NR5A1: variants seen among roughly 807,000 people sequenced by gnomAD.
NR5A1 encodes the protein nuclear receptor subfamily 5 group A member 1, also known as steroidogenic factor 1.
A neutral mutation model predicts 42.7 loss-of-function variants in NR5A1; 6 were observed. That is an observed-to-expected ratio of 0.14 (90% CI 0.08 to 0.28). The LOEUF (loss-of-function observed/expected upper bound fraction) is 0.28, where lower values mean the gene tolerates loss of function less well. Ranked by LOEUF, NR5A1 falls within the 10% of genes least tolerant of loss-of-function variation. The pLI is 1.00. For synonymous variants in NR5A1, 274 were observed against 277.5 expected (o/e 0.99, Z 0.12); for missense variants, 442 against 626.4 (o/e 0.71, Z 3.14).
chr9:124,488,453 C>T (rs1387120809), intron 6 of NR5A1, among the ~76,000 whole-genome samples: 1 of 152,250 alleles, frequency 6.6e-6, no homozygotes, highest in Non-Finnish European at 1.5e-5. Context: ...CCACCCACAT[C>T]AGCCAGACCC....
intron 1 of NR5A1, among the ~76,000 whole-genome samples, chr9:124,504,066 A>C (rs1440724570): frequency 6.7e-6 from 1 of 149,604 alleles, no homozygotes; most frequent in Non-Finnish European, 1.5e-5. Flanking sequence ...AGAGAGAGAG[A>C]GAGAGAGAAA....
chr9:124,491,036 C>CCCCCCCCAGGGGGGT, intron 6 of NR5A1, 45 bp downstream of exon 6: 1 of 1,401,602 alleles, frequency 7.1e-7, no homozygotes, highest in Non-Finnish European at 9.6e-7. Context: ...CCCACCCACC[C>CCCCCCCCAGGGGGGT]GCCTCTGGCT....
intron 4 of NR5A1, among the ~76,000 whole-genome samples, chr9:124,493,947 C>T (rs931620593): frequency 3.9e-5 from 6 of 152,152 alleles, no homozygotes; most frequent in African/African-American, 1.4e-4. Flanking sequence ...AGGAATCCGC[C>T]ACCCGGAAAG....
At chr9:124,493,588 G>T (rs1832347268) in intron 4 of NR5A1, among the ~76,000 whole-genome samples, 1 of 152,216 alleles carries the variant, frequency 6.6e-6, no homozygotes, top group Non-Finnish European at 1.5e-5. Context: ...ACATTTAAAA[G>T]CCTGTGGTCG....
chr9:124,484,310 T>C (rs1397673697), intron 6 of NR5A1, among the ~76,000 whole-genome samples: 1 of 152,176 alleles, frequency 6.6e-6, no homozygotes, highest in Admixed American at 6.5e-5. Flanking sequence ...GGCCACGTGG[T>C]GACCGCACCC....
intron 6 of NR5A1, among the ~76,000 whole-genome samples, chr9:124,484,330 G>A (rs78818776): frequency 0.012 from 1,855 of 152,318 alleles, 33 homozygotes; most frequent in South Asian, 0.051. Context: ...CCAAGGAGTC[G>A]TGTGCAATAG....
At chr9:124,495,704 G>A (rs1052223558) in intron 4 of NR5A1, among the ~76,000 whole-genome samples, 1 of 152,198 alleles carries the variant, frequency 6.6e-6, no homozygotes, top group Non-Finnish European at 1.5e-5. Flanking sequence ...GCGGAGGAGC[G>A]ATAAGGGGTA....
At chr9:124,491,298 G>A in intron 5 of NR5A1, 70 bp from the exon 6 acceptor site, 2 of 1,248,240 alleles carry the variant, frequency 1.6e-6, no homozygotes, top group Non-Finnish European at 2.3e-6. Flanking sequence ...TCTCTGATGG[G>A]GGATGCAGGG....
Position 124,482,014 on chromosome 9 carries a change from C to G in NR5A1, c.*744G>C, listed in dbSNP as rs1832132713. 1 of 152,412 alleles carries G rather than the reference C, an allele frequency of 6.6e-6. No individual in the cohort carries two copies. The highest frequency in any genetic ancestry group is 1.5e-5 in the Non-Finnish European group (1 of 68,212). 9.4% of individuals were successfully genotyped at this position (152,412 alleles called of 1,614,324 possible). On this transcript the variant is annotated 3_prime_UTR_variant, in exon 7 of 7. Transcript: ENST00000373588. ...TACAACCTTGCAGATAAATACCAGC[C>G]TGGGAGGGCCACCTCTGGGTGGGGC... is the stretch of plus-strand genomic sequence containing the variant.
intron 4 of NR5A1, among the ~76,000 whole-genome samples, chr9:124,494,511 C>T (rs911851262): frequency 2.0e-5 from 3 of 152,230 alleles, no homozygotes; most frequent in Non-Finnish European, 4.4e-5. Context: ...CTCATGGCAT[C>T]AGTTAAATGC....
intron 4 of NR5A1, among the ~76,000 whole-genome samples, chr9:124,499,403 C>T (rs530243888): frequency 6.6e-6 from 1 of 152,302 alleles, no homozygotes; most frequent in Admixed American, 6.5e-5. Context: ...ACCCTGGAAT[C>T]CCCCACCCAC....
In NR5A1 at chr9:124,500,693, C is replaced by T. The variant is rs1175564214; in HGVS notation, c.267G>A (p.Arg89=). The change falls in exon 4 of 7, where the codon AGG becomes AGA. Residue 89 remains arginine (R), a synonymous_variant. Coordinates refer to ENST00000373588, the MANE Select transcript of NR5A1 (RefSeq NM_004959.5). The surrounding 1 kb of genome is among the most constrained non-coding windows in gnomAD (Gnocchi z 6.9). ...RLEAVRADRM[R]GGRNKFGPMY... ...TCGGCCCAAACTTGTTCCGGCCACCCCTCATACGGTCAGCGCGCACGGCTG... is the reference window on the plus strand; with the variant it reads ...TCGGCCCAAACTTGTTCCGGCCACCTCTCATACGGTCAGCGCGCACGGCTG... 1.5e-5 allele frequency: 24 copies of T among 1,612,950 alleles called. No homozygotes were observed. The highest frequency in any genetic ancestry group is 3.3e-5 in the South Asian group (3 of 91,084).
chr9:124,505,873 G>A (rs1317293073), intron 1 of NR5A1, among the ~76,000 whole-genome samples: 1 of 152,190 alleles, frequency 6.6e-6, no homozygotes, highest in Non-Finnish European at 1.5e-5. Context: ...GACCATCCGC[G>A]GGGCCACTGT....
chr9:124,493,204 C>T, intron 4 of NR5A1, 55 bp from the exon 5 acceptor site: 2 of 1,570,718 alleles, frequency 1.3e-6, no homozygotes, highest in South Asian at 1.2e-5. Context: ...CAGGGACCTT[C>T]CTCTCACCCC....
chr9:124,499,169 G>A (rs1424837516), intron 4 of NR5A1, among the ~76,000 whole-genome samples: 1 of 152,156 alleles, frequency 6.6e-6, no homozygotes, highest in Non-Finnish European at 1.5e-5. Flanking sequence ...TCAGCTGGAG[G>A]GGCCTCTAGG....
chr9:124,491,357 G>A lies in NR5A1; in HGVS notation c.991-129C>T, dbSNP rs367603850. ...AGGTCAGATGGGCTGGCGTCAGGAG[G>A]GCCCAGCCTTGGTGCCGAGCCAGGC... On this transcript the variant is annotated intron_variant, in intron 5 of 6. Coordinates refer to ENST00000373588, the MANE Select transcript of NR5A1 (RefSeq NM_004959.5). 1.3e-4 allele frequency: 91 copies of A among 722,866 alleles called. No homozygotes were observed. The African/African-American group carries it at 1.5e-3, about 12-fold the overall frequency. 44.8% of individuals were successfully genotyped at this position (722,866 alleles called of 1,614,324 possible). A position where few individuals can be genotyped will look rare whatever the true frequency, so the allele number is the denominator to read the frequency against.
intron 6 of NR5A1, among the ~76,000 whole-genome samples, chr9:124,483,944 C>G (rs894795125): frequency 3.9e-5 from 6 of 152,210 alleles, no homozygotes; most frequent in African/African-American, 1.4e-4. Context: ...GCGCTGACAT[C>G]CTGGCTAACC....
chr9:124,482,943 G>A lies in NR5A1; in HGVS notation c.1201C>T (p.Leu401=). ...KDAQEKANAA[L]LDYTLCHYPH... is the part of the protein sequence containing the mutation. The stretch of plus-strand genomic sequence containing the variant: ...TAGTGGCACAGGGTGTAGTCAAGCA[G>A]GGCGGCGTTGGCCTTCTCCTGAGCG... Residue 401 remains leucine, a synonymous_variant, in exon 7 of 7, where the codon CTG becomes TTG. Transcript: ENST00000373588. 1.9e-6 allele frequency: 3 copies of A among 1,614,092 alleles called. No individual in the cohort carries two copies. The highest frequency in any genetic ancestry group is 2.5e-6 in the Non-Finnish European group (3 of 1,180,020).
rs1832333586 is a variant in NR5A1 at position 124,492,689 on chromosome 9, C to G, written c.990+341G>C. 3.3e-5 allele frequency among the ~76,000 whole-genome samples: 5 copies of G among 152,158 alleles called. No homozygotes were observed. In the South Asian group the frequency reaches 6.2e-4, roughly 19 times the overall value. ...CCTGCGGTAGACGTGGGGACTGCCC[C>G]CCTCATCCCTCATTCCCCAGCCAAC... On this transcript the variant is annotated intron_variant, in intron 5 of 6. Transcript: ENST00000373588.
Sources: allele counts gnomAD v4.1 joint callset (sites outside exome capture counted in the v4.1 genomes callset), GRCh38; gene constraint gnomAD v4.1.1; non-coding constraint Gnocchi (gnomAD v3.1); transcripts MANE v1.5; gene names NCBI Gene and HGNC (gene_info 2026-07-23, HGNC 2026-07-21).